Variants in GPC5 observed in about 807,000 individuals in gnomAD.
GPC5 encodes glypican 5.
GPC5 carries 47 observed loss-of-function variants against 53.9 expected under a neutral mutation model. The ratio of observed to expected loss-of-function variants is 0.87; its 90% CI spans 0.69 to 1.11. The LOEUF (loss-of-function observed/expected upper bound fraction) is 1.11. Among genes scored for constraint, GPC5 ranks in the 50% most tolerant of loss-of-function variants. GPC5 has a pLI of 0.00. For missense variants in GPC5, 748 were observed against 713.1 expected (o/e 1.05, Z -0.56); for synonymous variants, 286 against 263.3 (o/e 1.09, Z -0.84).
At chr13:92,757,696 G>T (rs1874952873) in intron 7 of GPC5, among the ~76,000 whole-genome samples, 1 of 152,138 alleles carries the variant, frequency 6.6e-6, no homozygotes, top group African/African-American at 2.4e-5. Context: ...CTTCTCAAAA[G>T]AAGACATTTA....
At chr13:91,935,721 A>G (rs2039864043) in intron 6 of GPC5, among the ~76,000 whole-genome samples, 1 of 152,002 alleles carries the variant, frequency 6.6e-6, no homozygotes, top group Non-Finnish European at 1.5e-5. Flanking sequence ...AATGCATGGG[A>G]GGAGCATTCG....
chr13:92,166,003 T>C (rs1476412880), intron 7 of GPC5, among the ~76,000 whole-genome samples: 1 of 152,196 alleles, frequency 6.6e-6, no homozygotes, highest in Non-Finnish European at 1.5e-5. Context: ...AGATTGTGTA[T>C]AAAAAACTTC....
At chr13:92,764,763 T>C (rs147123180) in intron 7 of GPC5, among the ~76,000 whole-genome samples, 57 of 152,260 alleles carry the variant, frequency 3.7e-4, no homozygotes, top group African/African-American at 1.3e-3. Context: ...ATTCATGGTT[T>C]TGACTGTCTT....
Position 92,751,302 on chromosome 13 carries a change from TTAAAAAAAAAAAAAAAAAAAAAA to T in GPC5, c.1562-114979_1562-114957del, listed in dbSNP as rs1889386379. On this transcript the variant is annotated intron_variant, in intron 7 of 7. Transcript: ENST00000377067. ...AAAACCTTTGGTCATCCAGAAACAT[TTAAAAAAAAAAAAAAAAAAAAAA>T]AAAAAAAAAACCTTCCAACCTCATA... Among the ~76,000 whole-genome samples the T allele has an allele frequency of 5.8e-5, 2 of 34,400 alleles. 1 individual carries two copies. The highest frequency in any genetic ancestry group is 1.9e-3 in the South Asian group (2 of 1,034). 22.6% of individuals were successfully genotyped at this position (34,400 alleles called of 152,430 possible).
At chr13:92,537,812 G>A (rs149871901) in intron 7 of GPC5, among the ~76,000 whole-genome samples, 25 of 152,214 alleles carry the variant, frequency 1.6e-4, no homozygotes, top group African/African-American at 5.8e-4. Context: ...GTTGCATGAG[G>A]AAGGCGTTTT....
At chr13:91,755,039 A>T (rs2037260389) in intron 4 of GPC5, among the ~76,000 whole-genome samples, 1 of 152,084 alleles carries the variant, frequency 6.6e-6, no homozygotes, top group Non-Finnish European at 1.5e-5. Context: ...TTTACAAATC[A>T]ACTCCAGCAA....
intron 5 of GPC5, among the ~76,000 whole-genome samples, chr13:91,899,842 G>A (rs1428126431): frequency 2.0e-5 from 3 of 152,100 alleles, no homozygotes; most frequent in East Asian, 3.9e-4. Context: ...AGGGAGTATG[G>A]CCCTGCCAAC....
chr13:91,777,900 G>A (rs975868262), intron 5 of GPC5, among the ~76,000 whole-genome samples: 1 of 152,054 alleles, frequency 6.6e-6, no homozygotes, highest in Non-Finnish European at 1.5e-5. Context: ...CATATGTTTA[G>A]CTGTCGGGAG....
At chr13:92,741,321 T>C (rs1293168266) in intron 7 of GPC5, among the ~76,000 whole-genome samples, 1 of 151,730 alleles carries the variant, frequency 6.6e-6, no homozygotes, top group Non-Finnish European at 1.5e-5. Flanking sequence ...GAAGAGAGAA[T>C]TGAGCAATCA....
chr13:92,332,246 T>C (rs1180676790), intron 7 of GPC5, among the ~76,000 whole-genome samples: 2 of 152,198 alleles, frequency 1.3e-5, no homozygotes, highest in Non-Finnish European at 2.9e-5. Context: ...TGAATTTTGC[T>C]TGTGCCTTCT....
chr13:92,234,999 G>T (rs1422703721), intron 7 of GPC5, among the ~76,000 whole-genome samples: 1 of 152,050 alleles, frequency 6.6e-6, no homozygotes, highest in Non-Finnish European at 1.5e-5. Flanking sequence ...AAAGGCAGGG[G>T]TATATGAAAA....
chr13:92,377,757 C>G (rs2043706905), intron 7 of GPC5, among the ~76,000 whole-genome samples: 1 of 152,018 alleles, frequency 6.6e-6, no homozygotes, highest in Admixed American at 6.5e-5. Context: ...ATTAATAACT[C>G]TTGATGATCA....
chr13:91,821,355 T>G (rs553406831), intron 5 of GPC5, among the ~76,000 whole-genome samples: 1 of 152,344 alleles, frequency 6.6e-6, no homozygotes, highest in South Asian at 2.1e-4. Flanking sequence ...TAATCTGTCC[T>G]AGACGTTTAC....
intron 7 of GPC5, among the ~76,000 whole-genome samples, chr13:92,604,220 C>T (rs1371661649): frequency 6.6e-6 from 1 of 152,048 alleles, no homozygotes; most frequent in Non-Finnish European, 1.5e-5. Context: ...TTTTTGAGAA[C>T]ATTTCTTTTG....
chr13:91,628,480 A>ATCTGTCTGTCTGTCTGTCTGTCTG (rs56957789), intron 2 of GPC5, among the ~76,000 whole-genome samples: 1 of 149,058 alleles, frequency 6.7e-6, no homozygotes, highest in African/African-American at 2.5e-5. Flanking sequence ...ATTTGTATCT[A>ATCTGTCTGTCTGTCTGTCTGTCTG]TCTGTCTGTC....
At chr13:91,529,767 G>A (rs1333496401) in intron 2 of GPC5, among the ~76,000 whole-genome samples, 1 of 152,132 alleles carries the variant, frequency 6.6e-6, no homozygotes, top group African/African-American at 2.4e-5. Context: ...CCTCATAAGA[G>A]TCCTGGGGAT....
At chr13:91,420,384 C>T (rs764071017) in intron 1 of GPC5, among the ~76,000 whole-genome samples, 1 of 152,134 alleles carries the variant, frequency 6.6e-6, no homozygotes, top group Admixed American at 6.5e-5. Flanking sequence ...TCACACACTT[C>T]TTCTGTACCC....
chr13:92,642,207 G>A (rs1005561871), intron 7 of GPC5, among the ~76,000 whole-genome samples: 4 of 152,142 alleles, frequency 2.6e-5, no homozygotes, highest in Non-Finnish European at 5.9e-5. Context: ...CCTACATTAG[G>A]TTGGTGATTT....
chr13:91,885,512 T>C (rs530550858), intron 5 of GPC5, among the ~76,000 whole-genome samples: 2 of 152,232 alleles, frequency 1.3e-5, no homozygotes, highest in South Asian at 4.1e-4. Flanking sequence ...GTTTCAGATC[T>C]CATTGCCCTT....
Sources: gnomAD v4.1 joint callset for allele counts (sites outside exome capture counted in the v4.1 genomes callset) on GRCh38, gnomAD v4.1.1 for gene constraint, MANE v1.5 for transcripts, NCBI Gene and HGNC (gene_info 2026-07-23, HGNC 2026-07-21) for gene names.